The following NKD2 variants were observed in gnomAD, a reference collection of about 807,000 sequenced individuals.
The protein encoded by NKD2 is NKD inhibitor of Wnt signaling pathway 2.
NKD2 carries 43 observed loss-of-function variants against 34.8 expected under a neutral mutation model. That is an observed-to-expected ratio of 1.24 (90% CI 0.97 to 1.60). NKD2 has a LOEUF of 1.60. NKD2 is among the 40% of genes most tolerant of loss of function. The probability of loss-of-function intolerance (pLI) is 0.00; values close to 1 mark genes in which losing one functional copy is unlikely to be tolerated. For missense variants in NKD2, 675 were observed against 627.1 expected (o/e 1.08, Z -0.82); for synonymous variants, 278 against 265.1 (o/e 1.05, Z -0.47).
chr5:1,009,267 C>A lies in NKD2; in HGVS notation c.61+53C>A. ...GGGGGGCGGCGACCCGGCCCGGGAC[C>A]CTCAGAGCTAGGAGCCCGCGCGCGT... On this transcript the variant is annotated intron_variant, in intron 2 of 9. Coordinates refer to ENST00000296849, the MANE Select transcript of NKD2 (RefSeq NM_033120.4). The surrounding 1 kb of genome is among the most constrained non-coding windows in gnomAD (Gnocchi z 6.9). 2.1e-6 allele frequency: 1 copy of A among 485,520 alleles called. No homozygotes were observed. Among genetic ancestry groups the A allele is most frequent in the South Asian group, 3.3e-5 (1 of 30,112 alleles). The allele number at this position is 485,520 out of a possible 1,614,324, so 30.1% of individuals were successfully genotyped here.
At position 1,028,186 on chromosome 5, in the gene NKD2, C is replaced by T. The variant is rs563065221; in HGVS notation, c.142-3966C>T. ...GAAGCGCTCAGCCCGGTGCCTGTGG[C>T]GGGGATCAGATGTCCTCACTGTCGT... On this transcript the variant is annotated intron_variant, in intron 3 of 9. Coordinates refer to ENST00000296849, the MANE Select transcript of NKD2 (RefSeq NM_033120.4). 6.4e-4 allele frequency among the ~76,000 whole-genome samples: 98 copies of T among 152,240 alleles called. 1 individual carries two copies. The highest frequency in any genetic ancestry group is 5.8e-3 in the South Asian group (28 of 4,824).
At chr5:1,035,681 A>G in intron 8 of NKD2, 1 of 572,008 alleles carries the variant, frequency 1.7e-6, no homozygotes, top group South Asian at 2.2e-5. Flanking sequence ...CTGTCTGAGC[A>G]GAGGGCTTTG....
At chr5:1,025,896 C>T (rs1756372768) in intron 3 of NKD2, among the ~76,000 whole-genome samples, 1 of 108,536 alleles carries the variant, frequency 9.2e-6, no homozygotes, top group Non-Finnish European at 1.8e-5. Flanking sequence ...TGTCCCTGCT[C>T]TTCCCACCCT....
intron 9 of NKD2, 148 bp downstream of exon 9, chr5:1,036,532 G>A: frequency 1.6e-6 from 1 of 621,188 alleles, no homozygotes; most frequent in Non-Finnish European, 2.7e-6. Flanking sequence ...ACCCAGGACG[G>A]CACCCAGGTC....
chr5:1,027,844 C>T lies in NKD2; in HGVS notation c.142-4308C>T, dbSNP rs965394917. ...TGTCCACTGGGAAGAGGACATCGCC[C>T]GCTCCAGGTGGCTCCCAGAGGTGCC... On this transcript the variant is annotated intron_variant, in intron 3 of 9. Transcript: ENST00000296849. 1.6e-4 allele frequency among the ~76,000 whole-genome samples: 24 copies of T among 152,188 alleles called. 1 individual carries two copies. The highest frequency in any genetic ancestry group is 5.2e-4 in the Admixed American group (8 of 15,290).
At position 1,037,324 on chromosome 5, in the gene NKD2, C is replaced by T. The variant is rs117110053; in HGVS notation, c.788-481C>T. Among the ~76,000 whole-genome samples, 1,489 of 152,234 alleles carry T rather than the reference C, an allele frequency of 9.8e-3. 22 individuals are homozygous for T. Among genetic ancestry groups the T allele is most frequent in the East Asian group, 0.044 (230 of 5,180 alleles). ...GGATCAGGGTCATGGGGGCTCAGTG[C>T]GCTGTGTGCTGACCCTGCCCTCCTT... On this transcript the variant is annotated intron_variant, in intron 9 of 9. Coordinates refer to ENST00000296849, the MANE Select transcript of NKD2 (RefSeq NM_033120.4).
At chr5:1,011,168 T>A (rs867441426) in intron 3 of NKD2, among the ~76,000 whole-genome samples, 10 of 152,240 alleles carry the variant, frequency 6.6e-5, no homozygotes, top group Non-Finnish European at 1.3e-4. Flanking sequence ...TAAGTTAAAA[T>A]GAACAAACTC....
intron 3 of NKD2, among the ~76,000 whole-genome samples, chr5:1,018,092 G>A (rs1265480815): frequency 6.6e-6 from 1 of 152,130 alleles, no homozygotes; most frequent in African/African-American, 2.4e-5. Context: ...AGGACGGGAC[G>A]GTAGCAGGCA....
At chr5:1,021,796 T>A (rs1329874198) in intron 3 of NKD2, among the ~76,000 whole-genome samples, 1 of 151,950 alleles carries the variant, frequency 6.6e-6, no homozygotes, top group East Asian at 1.9e-4. Context: ...CCCCCTCCCA[T>A]GGTGACATTT....
rs184015302 is a variant in NKD2, at chr5:1,034,205, C to T, written c.331-30C>T. 293 of 1,551,826 alleles carry T rather than the reference C, an allele frequency of 1.9e-4. 1 individual carries two copies. In the East Asian group the frequency reaches 5.9e-3, roughly 31 times the overall value. ...TGGGCGTGTTGGCGTGGGTAGGAGG[C>T]GAGGTCCCGGCCCCCACGTCCCCCC... On this transcript the variant is annotated intron_variant, in intron 5 of 9. Transcript: ENST00000296849.
rs771239523 is a variant in NKD2, at chr5:1,033,414, G to C, written c.245G>C (p.Gly82Ala). Residue 82 changes from glycine to alanine, a missense_variant, in exon 5 of 10, where the codon GGA becomes GCA. Transcript: ENST00000296849. ...AEKAEGREHPGQLLSADDGER... is the reference protein window; with the variant it reads ...AEKAEGREHPAQLLSADDGER... ...AAAGCTGAGGGCCGCGAGCACCCGG[G>C]ACAACTCCTCAGCGCAGATGACGGA... 36 of 1,596,246 alleles carry C rather than the reference G, an allele frequency of 2.3e-5. No homozygotes were observed. The highest frequency in any genetic ancestry group is 3.0e-5 in the Non-Finnish European group (35 of 1,172,300).
At position 1,026,564 on chromosome 5, in the gene NKD2, T is replaced by G. The variant is rs74501619; in HGVS notation, c.142-5588T>G. Reference sequence around the variant, plus strand: ...CCCATTGTCCCTGCTCTTCCCACCCTCTGTGGGTGTCCCAGCCCATTGTCC... The same window carrying G: ...CCCATTGTCCCTGCTCTTCCCACCCGCTGTGGGTGTCCCAGCCCATTGTCC... On this transcript the variant is annotated intron_variant, in intron 3 of 9. Coordinates refer to ENST00000296849, the MANE Select transcript of NKD2 (RefSeq NM_033120.4). Among the ~76,000 whole-genome samples, 387 of 39,794 alleles carry G rather than the reference T, an allele frequency of 9.7e-3. 17 individuals are homozygous for G. The highest frequency in any genetic ancestry group is 0.022 in the Middle Eastern group (1 of 46). 26.1% of individuals were successfully genotyped at this position (39,794 alleles called of 152,430 possible). A position where few individuals can be genotyped will look rare whatever the true frequency, so the allele number is the denominator to read the frequency against.
intron 3 of NKD2, among the ~76,000 whole-genome samples, chr5:1,015,659 A>AG (rs1261437203): frequency 3.3e-5 from 5 of 152,210 alleles, no homozygotes; most frequent in Admixed American, 2.6e-4. Context: ...TGCTGGGGTG[A>AG]GGTCAGCATT....
intron 9 of NKD2, 180 bp from the exon 10 acceptor site, chr5:1,037,625 C>T: frequency 1.3e-6 from 2 of 1,535,956 alleles, no homozygotes; most frequent in South Asian, 1.2e-5. Flanking sequence ...GCAGGTCACC[C>T]ACAGTGGCCA....
intron 3 of NKD2, among the ~76,000 whole-genome samples, chr5:1,022,252 G>T (rs1183018926): frequency 3.0e-4 from 39 of 130,984 alleles, no homozygotes; most frequent in East Asian, 2.4e-3. Flanking sequence ...CTTCCCACCC[G>T]CTGTGGGCGT....
intron 3 of NKD2, among the ~76,000 whole-genome samples, chr5:1,018,102 AG>A (rs1756031187): frequency 6.6e-6 from 1 of 152,144 alleles, no homozygotes; most frequent in Non-Finnish European, 1.5e-5. Flanking sequence ...GGTAGCAGGC[AG>A]GGGCTGCGAG....
chr5:1,019,116 G>A (rs4975582), intron 3 of NKD2, among the ~76,000 whole-genome samples: 129,506 of 152,080 alleles, frequency 0.85, 58,937 homozygotes, highest in East Asian at 1. Context: ...TGACCGGGGC[G>A]GTGGTCCTGG....
At chr5:1,015,229 G>A (rs1755902061) in intron 3 of NKD2, among the ~76,000 whole-genome samples, 1 of 152,238 alleles carries the variant, frequency 6.6e-6, no homozygotes, top group African/African-American at 2.4e-5. Context: ...CATCTGAGCT[G>A]TCAGCAAGCT....
At chr5:1,016,381 G>C (rs141625030) in intron 3 of NKD2, among the ~76,000 whole-genome samples, 3 of 152,260 alleles carry the variant, frequency 2.0e-5, no homozygotes, top group Non-Finnish European at 2.9e-5. Context: ...CCTGTCCTGC[G>C]CAGAGCTGGA....
Sources: gnomAD v4.1 joint callset for allele counts (sites outside exome capture counted in the v4.1 genomes callset) on GRCh38, gnomAD v4.1.1 for gene constraint, Gnocchi (gnomAD v3.1) non-coding constraint, MANE v1.5 for transcripts, NCBI Gene and HGNC (gene_info 2026-07-23, HGNC 2026-07-21) for gene names.